LYPD6: variants seen among roughly 807,000 people sequenced by gnomAD.
LYPD6 encodes the protein LY6/PLAUR domain containing 6.
LYPD6 carries 15 observed loss-of-function variants against 22.7 expected under a neutral mutation model. The observed-to-expected ratio is 0.66, with a 90% CI of 0.44 to 1.02. The LOEUF (loss-of-function observed/expected upper bound fraction) is 1.02. LYPD6 is among the 50% of genes least tolerant of loss of function. The pLI is 0.00. For synonymous variants in LYPD6, 72 were observed against 77.5 expected (o/e 0.93, Z 0.37); for missense variants, 189 against 208.4 (o/e 0.91, Z 0.57).
intron 2 of LYPD6, among the ~76,000 whole-genome samples, chr2:149,443,010 G>A (rs55876540): frequency 0.29 from 43,689 of 152,040 alleles, 8,003 homozygotes; most frequent in African/African-American, 0.53. Context: ...AAACTCAGAG[G>A]TAAAAGAATT....
At chr2:149,362,208 T>C (rs753008266) in intron 1 of LYPD6, among the ~76,000 whole-genome samples, 5 of 152,200 alleles carry the variant, frequency 3.3e-5, no homozygotes, top group Non-Finnish European at 7.4e-5. Context: ...AGGAAACTAA[T>C]ACAGTGGAGG....
chr2:149,397,060 T>G (rs925999930), intron 1 of LYPD6, among the ~76,000 whole-genome samples: 16 of 152,288 alleles, frequency 1.1e-4, no homozygotes, highest in African/African-American at 3.6e-4. Context: ...GTATTTTTTA[T>G]GTTTTAAAAA....
chr2:149,376,307 A>G (rs796951455), intron 1 of LYPD6, among the ~76,000 whole-genome samples: 5 of 152,302 alleles, frequency 3.3e-5, no homozygotes, highest in African/African-American at 1.2e-4. Flanking sequence ...GTGCATATCT[A>G]TTTGTATGCC....
Position 149,460,439 on chromosome 2 carries a change from G to A in LYPD6, c.218-8206G>A, listed in dbSNP as rs114083985. Among the ~76,000 whole-genome samples, 492 of 152,148 alleles carry A rather than the reference G, an allele frequency of 3.2e-3. 1 individual carries two copies. Among genetic ancestry groups the A allele is most frequent in the Middle Eastern group, 6.8e-3 (2 of 294 alleles). ...GAAGCCCATCCACTAAGAAGATATAGCAATCTTAAGTATATAAGCATCACA... is the reference window on the plus strand; with the variant it reads ...GAAGCCCATCCACTAAGAAGATATAACAATCTTAAGTATATAAGCATCACA... On this transcript the variant is annotated intron_variant, in intron 3 of 4. Coordinates refer to ENST00000334166, the MANE Select transcript of LYPD6 (RefSeq NM_194317.5).
At chr2:149,474,766 T>TTTTG (rs371753572), downstream of LYPD6, among the ~76,000 whole-genome samples, 1,196 of 152,184 alleles carry the variant, frequency 7.9e-3, 17 homozygotes, top group African/African-American at 0.025. Flanking sequence ...AATGTGGGTT[T>TTTTG]TTTGTTTGTT....
chr2:149,352,367 C>G (rs1361644305), intron 1 of LYPD6, among the ~76,000 whole-genome samples: 3 of 152,006 alleles, frequency 2.0e-5, no homozygotes, highest in Non-Finnish European at 4.4e-5. Context: ...GTAGAGTACT[C>G]TGGGGAGAGA....
intron 2 of LYPD6, among the ~76,000 whole-genome samples, chr2:149,447,643 T>C (rs1683718044): frequency 6.6e-6 from 1 of 152,216 alleles, no homozygotes; most frequent in South Asian, 2.1e-4. Context: ...AATTTTACAA[T>C]GTACCAGAGA....
chr2:149,331,679 CTTG>C (rs1298044365), intron 1 of LYPD6, among the ~76,000 whole-genome samples: 1 of 152,110 alleles, frequency 6.6e-6, no homozygotes, highest in African/African-American at 2.4e-5. Flanking sequence ...TTGGTAGTCA[CTTG>C]TTGGAAGAAC....
intron 1 of LYPD6, among the ~76,000 whole-genome samples, chr2:149,392,109 G>A (rs902677873): frequency 2.6e-5 from 4 of 152,156 alleles, no homozygotes; most frequent in African/African-American, 9.7e-5. Flanking sequence ...CCTCCCATGG[G>A]GATGGGGTGG....
intron 1 of LYPD6, among the ~76,000 whole-genome samples, chr2:149,341,641 T>A (rs1364291855): frequency 1.3e-5 from 2 of 152,142 alleles, no homozygotes; most frequent in African/African-American, 4.8e-5. Context: ...GAAATTTATA[T>A]CAAACAAAAA....
In LYPD6 at chr2:149,430,096, GTATT is replaced by G. The variant is rs141066148; in HGVS notation, c.-71-7524_-71-7521del. Among the ~76,000 whole-genome samples the G allele has an allele frequency of 2.6e-5, 4 of 152,018 alleles. No homozygotes were observed. The East Asian group carries it at 5.8e-4, about 22-fold the overall frequency. Reference sequence around the variant, plus strand: ...GAGACATGTGAAAGAATTCGCAATTGTATTTATTTATTTATTTATTTGAGATGAA... The same window carrying G: ...GAGACATGTGAAAGAATTCGCAATTGTATTTATTTATTTATTTGAGATGAA... On this transcript the variant is annotated intron_variant, in intron 1 of 4. Coordinates refer to ENST00000334166, the MANE Select transcript of LYPD6 (RefSeq NM_194317.5).
chr2:149,363,416 A>C (rs1681606064), intron 1 of LYPD6, among the ~76,000 whole-genome samples: 1 of 152,188 alleles, frequency 6.6e-6, no homozygotes, highest in South Asian at 2.1e-4. Context: ...CACACTACCC[A>C]ATATGTGATG....
rs1000240308 is a variant in LYPD6, at chr2:149,449,294, A to T, written c.217+147A>T. ...CTATTAGATCTTTTGTACCACACCA[A>T]TAACTTATCAGAGATTCTCAGAGAC... On this transcript the variant is annotated intron_variant, in intron 3 of 4. Transcript: ENST00000334166. The T allele has an allele frequency of 1.3e-5, 7 of 559,156 alleles. No homozygotes were observed. The Admixed American group carries it at 2.1e-4, about 17-fold the overall frequency. 34.6% of individuals were successfully genotyped at this position (559,156 alleles called of 1,614,324 possible). A position where few individuals can be genotyped will look rare whatever the true frequency, so the allele number is the denominator to read the frequency against.
chr2:149,359,629 C>G (rs1225220303), intron 1 of LYPD6, among the ~76,000 whole-genome samples: 3 of 152,126 alleles, frequency 2.0e-5, no homozygotes, highest in Non-Finnish European at 4.4e-5. Context: ...CAGAAAAGGA[C>G]CAGAAGCCAG....
At chr2:149,430,552 C>T (rs1020853494) in intron 1 of LYPD6, among the ~76,000 whole-genome samples, 2 of 152,178 alleles carry the variant, frequency 1.3e-5, no homozygotes, top group Non-Finnish European at 2.9e-5. Flanking sequence ...CTTTTTCAGG[C>T]ACCTAAGATA....
At chr2:149,461,725 C>T (rs1225003224) in intron 3 of LYPD6, among the ~76,000 whole-genome samples, 3 of 151,898 alleles carry the variant, frequency 2.0e-5, no homozygotes, top group Non-Finnish European at 2.9e-5. Context: ...GGGGCTTAGT[C>T]CATGGATACA....
intron 1 of LYPD6, among the ~76,000 whole-genome samples, chr2:149,345,306 A>ATTTTTTT (rs3073147): frequency 7.9e-6 from 1 of 127,332 alleles, no homozygotes; most frequent in Non-Finnish European, 1.6e-5. Flanking sequence ...CTTAATTTAA[A>ATTTTTTT]TTTTTTTTTT....
intron 1 of LYPD6, among the ~76,000 whole-genome samples, chr2:149,351,336 T>C (rs1042856242): frequency 5.4e-5 from 8 of 148,668 alleles, no homozygotes; most frequent in African/African-American, 1.7e-4. Context: ...GGAGGTTGCA[T>C]TGAGCTGAGA....
chr2:149,369,973 CAG>C, intron 1 of LYPD6, among the ~76,000 whole-genome samples: 1 of 152,036 alleles, frequency 6.6e-6, no homozygotes, highest in South Asian at 2.1e-4. Context: ...CAAGAGGGAA[CAG>C]AGGTGGAGCG....
Sources: gnomAD v4.1 joint callset for allele counts (sites outside exome capture counted in the v4.1 genomes callset) on GRCh38, gnomAD v4.1.1 for gene constraint, MANE v1.5 for transcripts, NCBI Gene and HGNC (gene_info 2026-07-23, HGNC 2026-07-21) for gene names.